Variants in NTM observed in about 807,000 individuals in gnomAD.
The protein encoded by NTM is neurotrimin.
Under a neutral mutation model 42.1 loss-of-function variants are expected in NTM, and 13 were observed. The observed-to-expected ratio is 0.31, with a 90% CI of 0.20 to 0.49. The LOEUF is 0.49. NTM is among the 20% of genes least tolerant of loss of function. The pLI, the probability that NTM is intolerant of heterozygous loss-of-function variation, is 0.99. For synonymous variants in NTM, 187 were observed against 179.2 expected, an observed-to-expected ratio of 1.04 and a Z score of -0.35; for missense variants, 373 against 452.8, an observed-to-expected ratio of 0.82 and a Z score of 1.60.
At chr11:131,699,909 G>GGTGT (rs10577927) in intron 1 of NTM, among the ~76,000 whole-genome samples, 1,377 of 130,522 alleles carry the variant, frequency 0.011, 8 homozygotes, top group Middle Eastern at 0.019. Flanking sequence ...CAAAGCAGCA[G>GGTGT]GTGTGTGTGT....
chr11:131,615,288 T>C (rs574823492), intron 1 of NTM, among the ~76,000 whole-genome samples: 4 of 152,194 alleles, frequency 2.6e-5, no homozygotes, highest in Non-Finnish European at 5.9e-5. Flanking sequence ...ATCTGCATCA[T>C]GGGGTTGGCA....
chr11:131,985,769 C>T (rs988374802), intron 2 of NTM, among the ~76,000 whole-genome samples: 10 of 152,256 alleles, frequency 6.6e-5, no homozygotes, highest in East Asian at 3.9e-4. Context: ...AAAATGGCAT[C>T]GAGTAGGGTG....
At chr11:132,022,261 C>T (rs2074459435) in intron 2 of NTM, among the ~76,000 whole-genome samples, 2 of 152,186 alleles carry the variant, frequency 1.3e-5, no homozygotes. Context: ...AGATTTCGTT[C>T]AATTACCACT....
intron 7 of NTM, chr11:132,317,545 A>ATGTC (rs749956284): frequency 4.0e-5 from 19 of 472,032 alleles, no homozygotes; most frequent in Admixed American, 6.2e-5. Flanking sequence ...TCCCCCAGAA[A>ATGTC]TGTCTGTGAA....
chr11:131,725,239 G>A (rs1281343870), intron 1 of NTM, among the ~76,000 whole-genome samples: 1 of 152,074 alleles, frequency 6.6e-6, no homozygotes, highest in Non-Finnish European at 1.5e-5. Context: ...TACTCATCAC[G>A]GCATGTGTGA....
At chr11:131,995,906 T>C (rs2067922781) in intron 2 of NTM, among the ~76,000 whole-genome samples, 1 of 151,960 alleles carries the variant, frequency 6.6e-6, no homozygotes, top group Non-Finnish European at 1.5e-5. Context: ...GAATGAGGGG[T>C]CTGGCATCTC....
intron 2 of NTM, among the ~76,000 whole-genome samples, chr11:131,998,280 C>T (rs756701977): frequency 5.3e-5 from 8 of 152,134 alleles, no homozygotes; most frequent in Non-Finnish European, 1.2e-4. Context: ...GTGGAGTGAG[C>T]CCACTGATTG....
At chr11:131,739,639 A>G (rs1366667864) in intron 1 of NTM, among the ~76,000 whole-genome samples, 29 of 152,230 alleles carry the variant, frequency 1.9e-4, no homozygotes, top group Non-Finnish European at 2.9e-5. Context: ...CTTGTCAGCC[A>G]TAGAGCAACC....
chr11:132,015,768 T>C (rs1378864050), intron 2 of NTM, among the ~76,000 whole-genome samples: 2 of 152,142 alleles, frequency 1.3e-5, no homozygotes, highest in African/African-American at 4.8e-5. Context: ...GTTGATTTTG[T>C]ATTATGCAAC....
intron 1 of NTM, among the ~76,000 whole-genome samples, chr11:131,869,709 C>T (rs1029980108): frequency 6.7e-6 from 1 of 148,852 alleles, no homozygotes; most frequent in African/African-American, 2.5e-5. Flanking sequence ...AGATCTCAGG[C>T]CCAGGTGCCA....
intron 1 of NTM, among the ~76,000 whole-genome samples, chr11:131,449,643 C>T (rs768260752): frequency 1.4e-4 from 21 of 152,206 alleles, no homozygotes; most frequent in East Asian, 3.8e-4. Context: ...CTAATTCCTC[C>T]GTGCTCTCTC....
chr11:131,818,666 G>T (rs887983304), intron 1 of NTM, among the ~76,000 whole-genome samples: 8 of 152,172 alleles, frequency 5.3e-5, no homozygotes, highest in Admixed American at 3.3e-4. Context: ...TCATTCACAG[G>T]ATAGCTATTG....
intron 3 of NTM, among the ~76,000 whole-genome samples, chr11:132,164,575 C>T (rs1020584587): frequency 6.6e-6 from 1 of 152,190 alleles, no homozygotes; most frequent in Admixed American, 6.6e-5. Flanking sequence ...TGTGGAACCT[C>T]GGTGACGATG....
intron 1 of NTM, among the ~76,000 whole-genome samples, chr11:131,613,764 C>T (rs2061658899): frequency 6.6e-6 from 1 of 152,134 alleles, no homozygotes; most frequent in African/African-American, 2.4e-5. Flanking sequence ...AGTTAAGTCA[C>T]TAGCCCAAAG....
intron 1 of NTM, among the ~76,000 whole-genome samples, chr11:131,593,369 G>A (rs933671110): frequency 6.6e-5 from 10 of 152,176 alleles, no homozygotes; most frequent in African/African-American, 2.4e-4. Context: ...CTCAGCAGGT[G>A]GGGTACGAGC....
chr11:132,149,789 G>A (rs1415426636), intron 3 of NTM, among the ~76,000 whole-genome samples: 1 of 152,176 alleles, frequency 6.6e-6, no homozygotes, highest in East Asian at 1.9e-4. Context: ...GGGAGATGGA[G>A]GGGGAAGGCG....
At chr11:131,456,906 C>A (rs1360550272) in intron 1 of NTM, among the ~76,000 whole-genome samples, 3 of 152,194 alleles carry the variant, frequency 2.0e-5, no homozygotes, top group Non-Finnish European at 4.4e-5. Flanking sequence ...TTTTCTGACT[C>A]TTGAAATGTC....
intron 2 of NTM, among the ~76,000 whole-genome samples, chr11:132,009,079 G>T (rs2071489020): frequency 6.6e-6 from 1 of 152,152 alleles, no homozygotes; most frequent in Admixed American, 6.6e-5. Flanking sequence ...CTGACTGATG[G>T]TCCAGCCCTC....
Position 132,003,474 on chromosome 11 carries a change from G to C in NTM, c.167+91826G>C, listed in dbSNP as rs2069883705. Among the ~76,000 whole-genome samples the C allele has an allele frequency of 6.6e-6, 1 of 152,026 alleles. No individual in the cohort carries two copies. The highest frequency in any genetic ancestry group is 1.5e-5 in the Non-Finnish European group (1 of 68,026). On this transcript the variant is annotated intron_variant, in intron 2 of 8. Coordinates refer to ENST00000683400, the MANE Select transcript of NTM (RefSeq NM_001352005.2). The surrounding 1 kb of genome is among the most constrained non-coding windows in gnomAD (Gnocchi z 6.0). ...TTTCCCAGGCTGCTCTTGAGTTCCT[G>C]GGCTCAAGCGATCCTTCTGGCTCAG... is the stretch of plus-strand genomic sequence containing the variant.
Sources: gnomAD v4.1 joint callset for allele counts (sites outside exome capture counted in the v4.1 genomes callset) on GRCh38, gnomAD v4.1.1 for gene constraint, Gnocchi (gnomAD v3.1) non-coding constraint, MANE v1.5 for transcripts, NCBI Gene and HGNC (gene_info 2026-07-23, HGNC 2026-07-21) for gene names.